ZNF804B: variants seen among roughly 807,000 people sequenced by gnomAD.
ZNF804B encodes zinc finger protein 804B.
ZNF804B carries 80 observed loss-of-function variants against 101.4 expected under a neutral mutation model. The observed-to-expected ratio is 0.79, with a 90% confidence interval of 0.66 to 0.95. The LOEUF (loss-of-function observed/expected upper bound fraction) is 0.95. ZNF804B is among the 40% of genes least tolerant of loss of function. The probability of loss-of-function intolerance (pLI) is 0.00; values close to 1 mark genes in which losing one functional copy is unlikely to be tolerated. For missense variants in ZNF804B, 1,673 were observed against 1,561.9 expected, an observed-to-expected ratio of 1.07 and a Z score of -1.20; for synonymous variants, 622 against 558.8, an observed-to-expected ratio of 1.11 and a Z score of -1.59.
intron 2 of ZNF804B, among the ~76,000 whole-genome samples, chr7:89,317,915 C>T (rs1790759205): frequency 6.6e-6 from 1 of 151,822 alleles, no homozygotes; most frequent in African/African-American, 2.4e-5. Context: ...ATTTTTTTTC[C>T]TAGTAAGAAA....
chr7:89,070,736 CAAATTGATTTTGACCTTAT>C (rs1372879098), intron 1 of ZNF804B, among the ~76,000 whole-genome samples: 1 of 151,942 alleles, frequency 6.6e-6, no homozygotes, highest in African/African-American at 2.4e-5. Context: ...TTTATAAGGT[CAAATTGATTTTGACCTTAT>C]AAATTGATTT....
intron 1 of ZNF804B, among the ~76,000 whole-genome samples, chr7:89,105,704 C>T (rs1275479274): frequency 6.6e-6 from 1 of 152,070 alleles, no homozygotes; most frequent in Admixed American, 6.6e-5. Context: ...GTTGGGTGTT[C>T]CCCAATTCAG....
At chr7:89,118,030 A>C (rs1382924421) in intron 1 of ZNF804B, among the ~76,000 whole-genome samples, 2 of 152,164 alleles carry the variant, frequency 1.3e-5, no homozygotes, top group Non-Finnish European at 2.9e-5. Flanking sequence ...GAAGGTTTCT[A>C]CATTTGAGAG....
chr7:89,177,895 A>G (rs1791346504), intron 1 of ZNF804B, among the ~76,000 whole-genome samples: 1 of 151,832 alleles, frequency 6.6e-6, no homozygotes, highest in Non-Finnish European at 1.5e-5. Flanking sequence ...ACACAGCGCC[A>G]CTGCACTCCA....
At chr7:88,785,657 G>T (rs192558267) in intron 1 of ZNF804B, among the ~76,000 whole-genome samples, 1 of 152,150 alleles carries the variant, frequency 6.6e-6, no homozygotes, top group East Asian at 1.9e-4. Context: ...CATCTCTTAT[G>T]ACTCCCCTTT....
At chr7:89,230,883 A>G (rs1038397070) in intron 2 of ZNF804B, among the ~76,000 whole-genome samples, 1 of 152,072 alleles carries the variant, frequency 6.6e-6, no homozygotes, top group Non-Finnish European at 1.5e-5. Flanking sequence ...TAACATTTAC[A>G]TATCTTCTTT....
intron 1 of ZNF804B, among the ~76,000 whole-genome samples, chr7:89,057,187 A>G (rs1052727852): frequency 1.3e-5 from 2 of 152,132 alleles, no homozygotes; most frequent in Non-Finnish European, 2.9e-5. Flanking sequence ...GTCAATTCTT[A>G]AACAGTCTTA....
rs531014968 is a variant in ZNF804B at position 88,882,094 on chromosome 7, T to G, written c.108+122010T>G. On this transcript the variant is annotated intron_variant, in intron 1 of 3. Transcript: ENST00000333190. ...GGAGAAAACATAACGAAAGCTCCAG[T>G]GCTCAGCACCAGCTCATGAGCACAT... 3.3e-5 allele frequency among the ~76,000 whole-genome samples: 5 copies of G among 152,282 alleles called. No homozygotes were observed. In the East Asian group the frequency reaches 7.7e-4, roughly 23 times the overall value.
At chr7:89,193,910 C>G (rs373808106) in intron 1 of ZNF804B, among the ~76,000 whole-genome samples, 2 of 152,134 alleles carry the variant, frequency 1.3e-5, no homozygotes, top group East Asian at 3.8e-4. Flanking sequence ...AATGGTTGAA[C>G]TAGTTTACAG....
At chr7:89,201,704 A>G (rs1195887614) in intron 1 of ZNF804B, among the ~76,000 whole-genome samples, 3 of 152,088 alleles carry the variant, frequency 2.0e-5, no homozygotes, top group Non-Finnish European at 2.9e-5. Context: ...CTTCCTCTTT[A>G]TTAATACATG....
chr7:89,081,497 A>T (rs188682312), intron 1 of ZNF804B, among the ~76,000 whole-genome samples: 1 of 151,796 alleles, frequency 6.6e-6, no homozygotes, highest in African/African-American at 2.4e-5. Context: ...GCTGGTTTAG[A>T]TCCCCATTAT....
chr7:89,222,684 T>A (rs967979988), intron 2 of ZNF804B, among the ~76,000 whole-genome samples: 10 of 151,934 alleles, frequency 6.6e-5, no homozygotes, highest in African/African-American at 2.4e-4. Flanking sequence ...CCTCTTGTCT[T>A]GTGTCTCTTT....
Position 88,850,442 on chromosome 7 carries a change from C to T in ZNF804B, c.108+90358C>T, listed in dbSNP as rs77653610. ...TTATTCAGTAGAGTTCTGATCAGTGCGTGTATATGTGAAAATCATCTGAGA... is the reference window on the plus strand; with the variant it reads ...TTATTCAGTAGAGTTCTGATCAGTGTGTGTATATGTGAAAATCATCTGAGA... On this transcript the variant is annotated intron_variant, in intron 1 of 3. Transcript: ENST00000333190. Among the ~76,000 whole-genome samples the T allele has an allele frequency of 9.6e-3, 1,468 of 152,138 alleles. 27 individuals carry two copies. Among genetic ancestry groups the T allele is most frequent in the African/African-American group, 0.03 (1,239 of 41,518 alleles).
intron 1 of ZNF804B, among the ~76,000 whole-genome samples, chr7:89,196,629 T>A (rs1184626549): frequency 6.6e-6 from 1 of 151,924 alleles, no homozygotes; most frequent in Admixed American, 6.6e-5. Context: ...ACAAATGGGA[T>A]CTAATTAAAC....
At chr7:89,269,251 C>G (rs999721751) in intron 2 of ZNF804B, among the ~76,000 whole-genome samples, 1 of 152,050 alleles carries the variant, frequency 6.6e-6, no homozygotes, top group African/African-American at 2.4e-5. Flanking sequence ...GTGTGATGTT[C>G]CCCTTCCTGT....
chr7:88,896,006 AT>A (rs1387166573), intron 1 of ZNF804B, among the ~76,000 whole-genome samples: 2 of 152,182 alleles, frequency 1.3e-5, no homozygotes, highest in African/African-American at 4.8e-5. Flanking sequence ...CTTTGATTTA[AT>A]TTCAAAGAGT....
At chr7:89,000,300 G>A (rs559953805) in intron 1 of ZNF804B, among the ~76,000 whole-genome samples, 2 of 151,890 alleles carry the variant, frequency 1.3e-5, no homozygotes, top group Non-Finnish European at 1.5e-5. Flanking sequence ...TTATCTTTAA[G>A]CAAGGTAATA....
At chr7:89,232,236 G>T (rs565366706) in intron 2 of ZNF804B, among the ~76,000 whole-genome samples, 1 of 152,146 alleles carries the variant, frequency 6.6e-6, no homozygotes, top group Non-Finnish European at 1.5e-5. Flanking sequence ...GATATTAATT[G>T]AATTTTTGGA....
At chr7:88,853,228 C>T (rs192925826) in intron 1 of ZNF804B, among the ~76,000 whole-genome samples, 17 of 152,234 alleles carry the variant, frequency 1.1e-4, no homozygotes, top group Admixed American at 8.5e-4. Context: ...GTCAGACAAA[C>T]GTATTCTGGG....
Sources: allele counts gnomAD v4.1 joint callset (sites outside exome capture counted in the v4.1 genomes callset), GRCh38; gene constraint gnomAD v4.1.1; transcripts MANE v1.5; gene names NCBI Gene and HGNC (gene_info 2026-07-23, HGNC 2026-07-21).